EXPH5: variants seen among roughly 807,000 people sequenced by gnomAD.
EXPH5 encodes the protein exophilin 5.
In EXPH5, 42 loss-of-function variants were observed where a neutral mutation model predicts 41.1. The ratio of observed to expected loss-of-function variants is 1.02; its 90% CI spans 0.80 to 1.32. The LOEUF (loss-of-function observed/expected upper bound fraction) is 1.32. Among genes scored for constraint, EXPH5 ranks in the 40% most tolerant of loss-of-function variants. The pLI is 0.00. For synonymous variants in EXPH5, 798 were observed against 833.5 expected, an observed-to-expected ratio of 0.96 and a Z score of 0.73; for missense variants, 2,298 against 2,314.5, an observed-to-expected ratio of 0.99 and a Z score of 0.15.
At chr11:108,585,918 G>T (rs11212723) in intron 1 of EXPH5, among the ~76,000 whole-genome samples, 46,097 of 152,040 alleles carry the variant, frequency 0.3, 7,939 homozygotes, top group Middle Eastern at 0.44. Context: ...GCAATATAAA[G>T]GAATGAATTA....
intron 1 of EXPH5, among the ~76,000 whole-genome samples, chr11:108,589,559 C>T (rs1385196506): frequency 6.6e-6 from 1 of 152,182 alleles, no homozygotes; most frequent in Non-Finnish European, 1.5e-5. Context: ...TCTAGACATG[C>T]CATTTAAAAA....
chr11:108,605,554 A>G, the EXPH5 span, among the ~76,000 whole-genome samples: 10 of 152,322 alleles, frequency 6.6e-5, no homozygotes, highest in South Asian at 1.5e-3. Flanking sequence ...TACATTATAC[A>G]GGACAGCCCC....
At chr11:108,567,521 T>A (rs1264315798) in intron 1 of EXPH5, among the ~76,000 whole-genome samples, 1 of 152,196 alleles carries the variant, frequency 6.6e-6, no homozygotes, top group African/African-American at 2.4e-5. Flanking sequence ...TACTTAGTCA[T>A]GCGTAGCCTT....
intron 1 of EXPH5, among the ~76,000 whole-genome samples, chr11:108,562,050 T>C (rs2094014158): frequency 6.6e-6 from 1 of 152,168 alleles, no homozygotes. Flanking sequence ...TGTGTTTCCT[T>C]ACTTCTCCAT....
chr11:108,539,438 C>T, intron 2 of EXPH5, among the ~76,000 whole-genome samples: 1 of 152,106 alleles, frequency 6.6e-6, no homozygotes, highest in East Asian at 1.9e-4. Flanking sequence ...AATCAGAGTT[C>T]CTAGAGTGTT....
intron 1 of EXPH5, among the ~76,000 whole-genome samples, chr11:108,545,250 CA>C (rs1480270361): frequency 6.6e-6 from 1 of 152,074 alleles, no homozygotes; most frequent in Non-Finnish European, 1.5e-5. Flanking sequence ...CCTGTCTCTA[CA>C]AAAAATTTAA....
chr11:108,528,076 C>T lies in EXPH5; in HGVS notation c.492+60G>A, dbSNP rs917649461. Reference sequence around the variant, plus strand: ...GGAATACTACTGAAATAGGTAGCCACCCTGGGATTACATAAATTCTGAATT... The same window carrying T: ...GGAATACTACTGAAATAGGTAGCCATCCTGGGATTACATAAATTCTGAATT... On this transcript the variant is annotated intron_variant, in intron 4 of 5. Coordinates refer to ENST00000265843, the MANE Select transcript of EXPH5 (RefSeq NM_015065.3). The T allele has an allele frequency of 9.1e-6, 10 of 1,097,772 alleles. No homozygotes were observed. In the East Asian group the frequency reaches 2.4e-4, roughly 26 times the overall value. 68.0% of individuals were successfully genotyped at this position (1,097,772 alleles called of 1,614,324 possible). A position where few individuals can be genotyped will look rare whatever the true frequency, so the allele number is the denominator to read the frequency against.
intron 1 of EXPH5, among the ~76,000 whole-genome samples, chr11:108,583,145 G>A (rs2094103452): frequency 6.6e-6 from 1 of 152,084 alleles, no homozygotes; most frequent in Non-Finnish European, 1.5e-5. Context: ...CACTTTGGGA[G>A]GCCAAGGTGA....
chr11:108,598,158 A>C (rs2094141348), upstream of EXPH5, among the ~76,000 whole-genome samples: 1 of 152,216 alleles, frequency 6.6e-6, no homozygotes, highest in African/African-American at 2.4e-5. Flanking sequence ...ATGTCATATG[A>C]GCTAAAACCT....
chr11:108,520,063 C>T (rs574969522), intron 4 of EXPH5, among the ~76,000 whole-genome samples: 17 of 151,870 alleles, frequency 1.1e-4, no homozygotes, highest in Non-Finnish European at 1.8e-4. Context: ...GGCCACAGAC[C>T]GGTACTGGTC....
intron 3 of EXPH5, among the ~76,000 whole-genome samples, chr11:108,532,478 G>C (rs1218890875): frequency 1.4e-5 from 2 of 140,630 alleles, no homozygotes; most frequent in Non-Finnish European, 3.0e-5. Context: ...ACCTCCTAAA[G>C]TGTTGGGATT....
At chr11:108,530,154 T>C (rs1380568654) in intron 3 of EXPH5, among the ~76,000 whole-genome samples, 1 of 152,240 alleles carries the variant, frequency 6.6e-6, no homozygotes, top group Non-Finnish European at 1.5e-5. Flanking sequence ...TTTTTCCATA[T>C]AACTCTGAAA....
chr11:108,518,174 G>A lies in EXPH5; in HGVS notation c.631+61C>T, dbSNP rs137955349. The A allele has an allele frequency of 2.4e-3, 3,546 of 1,477,934 alleles. 78 individuals carry two copies. The highest frequency in any genetic ancestry group is 1.9e-3 in the East Asian group (85 of 43,730). The allele number at this position is 1,477,934 out of a possible 1,614,324, so 91.6% of individuals were successfully genotyped here. On this transcript the variant is annotated intron_variant, in intron 5 of 5. Coordinates refer to ENST00000265843, the MANE Select transcript of EXPH5 (RefSeq NM_015065.3). ...GTTTTGAGTAGTTTGATACAAACTAGTTATTGTTTACTTCCTTTAGTTATC... is the reference window on the plus strand; with the variant it reads ...GTTTTGAGTAGTTTGATACAAACTAATTATTGTTTACTTCCTTTAGTTATC...
chr11:108,579,337 C>CTTG (rs2094090557), intron 1 of EXPH5, among the ~76,000 whole-genome samples: 3 of 151,942 alleles, frequency 2.0e-5, no homozygotes, highest in African/African-American at 7.3e-5. Context: ...ATATGTTGAA[C>CTTG]CATCTTTGCA....
At chr11:108,564,428 G>A (rs1251568518) in intron 1 of EXPH5, among the ~76,000 whole-genome samples, 1 of 151,924 alleles carries the variant, frequency 6.6e-6, no homozygotes, top group Non-Finnish European at 1.5e-5. Flanking sequence ...TGCATGCTTT[G>A]TGTAGTCTAT....
the EXPH5 span, among the ~76,000 whole-genome samples, chr11:108,607,294 G>C: frequency 6.6e-6 from 1 of 152,146 alleles, no homozygotes; most frequent in Non-Finnish European, 1.5e-5. Flanking sequence ...TTTTCAAACT[G>C]ACTTAGGCCT....
Position 108,541,101 on chromosome 11 carries a change from C to T in EXPH5, c.280+551G>A, listed in dbSNP as rs569463094. ...TTATTTTTCTGTAGAGATGAGGTTT[C>T]GCCATGTTGCCCAGGCTCGTCTCAA... On this transcript the variant is annotated intron_variant, in intron 2 of 5. Coordinates refer to ENST00000265843, the MANE Select transcript of EXPH5 (RefSeq NM_015065.3). Among the ~76,000 whole-genome samples, 39 of 152,012 alleles carry T rather than the reference C, an allele frequency of 2.6e-4. No homozygotes were observed. In the South Asian group the frequency reaches 7.5e-3, roughly 29 times the overall value.
chr11:108,593,193 C>A (rs889530219), intron 1 of EXPH5, among the ~76,000 whole-genome samples: 24 of 152,180 alleles, frequency 1.6e-4, no homozygotes, highest in African/African-American at 5.8e-4. Flanking sequence ...GACCCGCAGC[C>A]GAGCCCGTCT....
chr11:108,536,723 T>C (rs2093882477), intron 3 of EXPH5, among the ~76,000 whole-genome samples: 1 of 152,204 alleles, frequency 6.6e-6, no homozygotes, highest in Non-Finnish European at 1.5e-5. Context: ...TCCATGTTCT[T>C]CTGGGGAGGG....
Sources: gnomAD v4.1 joint callset for allele counts (sites outside exome capture counted in the v4.1 genomes callset) on GRCh38, gnomAD v4.1.1 for gene constraint, MANE v1.5 for transcripts, NCBI Gene and HGNC (gene_info 2026-07-23, HGNC 2026-07-21) for gene names.